GLIS1: variants seen among roughly 807,000 people sequenced by gnomAD.
The protein encoded by GLIS1 is GLIS family zinc finger 1.
GLIS1 carries 24 observed loss-of-function variants against 63.8 expected under a neutral mutation model. The ratio of observed to expected loss-of-function variants is 0.38; its 90% CI spans 0.27 to 0.53. The LOEUF is 0.53. Among genes scored for constraint, GLIS1 ranks in the 20% least tolerant of loss-of-function variants. The probability of loss-of-function intolerance (pLI) is 0.85; values close to 1 mark genes in which losing one functional copy is unlikely to be tolerated. For synonymous variants in GLIS1, 450 were observed against 482.5 expected (o/e 0.93, Z 0.88); for missense variants, 1,036 against 1,074.1 (o/e 0.96, Z 0.50).
At chr1:53,568,548 T>C (rs1454968249) in intron 4 of GLIS1, among the ~76,000 whole-genome samples, 3 of 152,102 alleles carry the variant, frequency 2.0e-5, no homozygotes, top group African/African-American at 7.2e-5. Flanking sequence ...GGTGGAATGA[T>C]ATGGTTTGGC....
Position 53,598,479 on chromosome 1 carries a change from G to A in GLIS1, c.437+1622C>T, listed in dbSNP as rs145923930. Among the ~76,000 whole-genome samples, 189 of 152,064 alleles carry A rather than the reference G, an allele frequency of 1.2e-3. No individual in the cohort carries two copies. The highest frequency in any genetic ancestry group is 1.8e-3 in the Non-Finnish European group (119 of 67,980). On this transcript the variant is annotated intron_variant, in intron 3 of 10. Transcript: ENST00000628545. This position sits in a 1 kb window ranked among gnomAD's most constrained non-coding sequence, Gnocchi z 4.6. ...GAGCCTGGGAGGTGGAGGCTGCAGC[G>A]AGCCAACATTGTGCCACTGCACTCC...
intron 4 of GLIS1, among the ~76,000 whole-genome samples, chr1:53,593,673 G>A (rs1455498911): frequency 6.6e-6 from 1 of 152,200 alleles, no homozygotes; most frequent in Non-Finnish European, 1.5e-5. Context: ...GAAGGCCCAG[G>A]GAACCTCACT....
At chr1:53,654,378 G>A (rs1436905851) in intron 2 of GLIS1, among the ~76,000 whole-genome samples, 4 of 152,160 alleles carry the variant, frequency 2.6e-5, no homozygotes, top group Admixed American at 6.5e-5. Context: ...GGAGCAGGTC[G>A]GGGGCCGGAA....
At position 53,526,458 on chromosome 1, in the gene GLIS1, G is replaced by C. The variant is rs1285540749; in HGVS notation, c.1483-1571C>G. On this transcript the variant is annotated intron_variant, in intron 5 of 10. Coordinates refer to ENST00000628545, the MANE Select transcript of GLIS1 (RefSeq NM_001367484.1). The surrounding 1 kb of genome is among the most constrained non-coding windows in gnomAD (Gnocchi z 4.4). ...GGCCTGGGAGGGAGAGCGGAGGCCT[G>C]CCGCGGATGGCCCCTGCTGCCCCCA... Among the ~76,000 whole-genome samples the C allele has an allele frequency of 2.6e-5, 4 of 152,112 alleles. No homozygotes were observed. The highest frequency in any genetic ancestry group is 4.4e-5 in the Non-Finnish European group (3 of 68,000).
intron 2 of GLIS1, chr1:53,733,801 T>G (rs1646887519): frequency 1.7e-6 from 1 of 587,372 alleles, no homozygotes. Flanking sequence ...AATTTGGATC[T>G]GATTATTTCC....
intron 10 of GLIS1, among the ~76,000 whole-genome samples, 164 bp downstream of exon 10, chr1:53,508,956 G>A (rs963535400): frequency 2.0e-5 from 3 of 152,224 alleles, no homozygotes; most frequent in African/African-American, 4.8e-5. Context: ...ACAGTTCTGC[G>A]GGGTCCTGGG....
chr1:53,682,888 C>G (rs1276715023), intron 2 of GLIS1, among the ~76,000 whole-genome samples: 1 of 152,158 alleles, frequency 6.6e-6, no homozygotes, highest in Non-Finnish European at 1.5e-5. Flanking sequence ...AGAGAGCAAT[C>G]AAGGAACCAT....
chr1:53,659,694 G>A (rs1570002736), intron 2 of GLIS1, among the ~76,000 whole-genome samples: 2 of 152,210 alleles, frequency 1.3e-5, no homozygotes, highest in South Asian at 2.1e-4. Flanking sequence ...GCACTGAGAA[G>A]GGGCTGAGCG....
chr1:53,725,624 G>A (rs919578663), intron 2 of GLIS1, among the ~76,000 whole-genome samples: 11 of 152,302 alleles, frequency 7.2e-5, no homozygotes, highest in African/African-American at 2.6e-4. Context: ...GGAGGCAAGG[G>A]CTCCATCTGT....
intron 2 of GLIS1, among the ~76,000 whole-genome samples, chr1:53,690,605 C>T (rs1351220549): frequency 6.6e-6 from 1 of 152,208 alleles, no homozygotes; most frequent in African/African-American, 2.4e-5. Flanking sequence ...GTTCAGAATG[C>T]CAGGGCCGTC....
chr1:53,613,369 T>C (rs1645446083), intron 2 of GLIS1, among the ~76,000 whole-genome samples: 1 of 152,244 alleles, frequency 6.6e-6, no homozygotes. Context: ...TCCATCCATA[T>C]TTATAGCCTT....
At chr1:53,678,968 C>CTAAAA (rs1646245067) in intron 2 of GLIS1, among the ~76,000 whole-genome samples, 1 of 152,188 alleles carries the variant, frequency 6.6e-6, no homozygotes, top group African/African-American at 2.4e-5. Context: ...TAAAACCAGC[C>CTAAAA]CCTGGCTGCT....
At chr1:53,589,904 T>C (rs1403405433) in intron 4 of GLIS1, among the ~76,000 whole-genome samples, 1 of 152,204 alleles carries the variant, frequency 6.6e-6, no homozygotes, top group Admixed American at 6.5e-5. Context: ...CCCTGGTAGA[T>C]ATCGAATGGC....
intron 2 of GLIS1, among the ~76,000 whole-genome samples, chr1:53,672,568 G>A (rs545623346): frequency 3.3e-5 from 5 of 152,168 alleles, no homozygotes; most frequent in South Asian, 4.1e-4. Flanking sequence ...CTATTTATTC[G>A]GCTGTGAGTC....
chr1:53,532,655 G>A (rs553189407), intron 4 of GLIS1, among the ~76,000 whole-genome samples: 1 of 152,346 alleles, frequency 6.6e-6, no homozygotes, highest in East Asian at 1.9e-4. Context: ...CTGGAGAGTG[G>A]GGCTTCCTCT....
intron 8 of GLIS1, 52 bp downstream of exon 8, chr1:53,514,573 C>A: frequency 6.3e-7 from 1 of 1,581,344 alleles, no homozygotes; most frequent in Non-Finnish European, 8.6e-7. Flanking sequence ...CCTGCCTCCC[C>A]CCGAGATCCC....
chr1:53,672,979 C>T (rs1446227338), intron 2 of GLIS1, among the ~76,000 whole-genome samples: 1 of 152,224 alleles, frequency 6.6e-6, no homozygotes, highest in Non-Finnish European at 1.5e-5. Flanking sequence ...GCCAGACTGT[C>T]CCCAGGTCTC....
rs138878679 is a variant in GLIS1, at chr1:53,508,463, G to A, written c.2230+657C>T. 4.3e-3 allele frequency among the ~76,000 whole-genome samples: 652 copies of A among 152,316 alleles called. 7 individuals carry two copies. The highest frequency in any genetic ancestry group is 0.037 in the South Asian group (180 of 4,830). On this transcript the variant is annotated intron_variant, in intron 10 of 10. Transcript: ENST00000628545. ...AAACCTCCTGTTAGACCTGGGCCCC[G>A]AGGCTGTTTTGAGGGTGGGTCTCAG...
chr1:53,573,673 C>T (rs1031112709), intron 4 of GLIS1, among the ~76,000 whole-genome samples: 2 of 152,200 alleles, frequency 1.3e-5, no homozygotes, highest in Non-Finnish European at 2.9e-5. Context: ...CACACACATG[C>T]ACAGTTAGAG....
Sources: gnomAD v4.1 joint callset for allele counts (sites outside exome capture counted in the v4.1 genomes callset) on GRCh38, gnomAD v4.1.1 for gene constraint, Gnocchi (gnomAD v3.1) non-coding constraint, MANE v1.5 for transcripts, NCBI Gene and HGNC (gene_info 2026-07-23, HGNC 2026-07-21) for gene names.